PTPRD: variants seen among roughly 807,000 people sequenced by gnomAD.
PTPRD encodes the protein receptor-type tyrosine-protein phosphatase delta.
In PTPRD, 34 loss-of-function variants were observed where a neutral mutation model predicts 214.5. The ratio of observed to expected loss-of-function variants is 0.16; its 90% CI spans 0.12 to 0.21. PTPRD has a LOEUF of 0.21. Ranked by LOEUF, PTPRD falls within the 10% of genes least tolerant of loss-of-function variation. PTPRD has a pLI of 1.00. For missense variants in PTPRD, 2,545 were observed against 2,398.7 expected (o/e 1.06, Z -1.27); for synonymous variants, 1,128 against 845.7 (o/e 1.33, Z -5.79).
chr9:9,583,039 G>C (rs960976459), intron 7 of PTPRD, among the ~76,000 whole-genome samples: 2 of 152,032 alleles, frequency 1.3e-5, no homozygotes, highest in African/African-American at 4.8e-5. Flanking sequence ...CCAATAAATA[G>C]TATAGGCTGG....
chr9:10,407,086 T>C (rs1342959314), intron 2 of PTPRD, among the ~76,000 whole-genome samples: 2 of 151,716 alleles, frequency 1.3e-5, no homozygotes, highest in Non-Finnish European at 3.0e-5. Flanking sequence ...ATGCCCAACG[T>C]CTTCTCACCA....
intron 8 of PTPRD, among the ~76,000 whole-genome samples, chr9:9,416,204 G>A (rs1319056447): frequency 6.6e-6 from 1 of 152,042 alleles, no homozygotes; most frequent in Non-Finnish European, 1.5e-5. Context: ...CTTCAATTAG[G>A]CCTCTTCCCC....
chr9:10,392,016 C>A (rs2154491591), intron 2 of PTPRD, among the ~76,000 whole-genome samples: 1 of 151,904 alleles, frequency 6.6e-6, no homozygotes, highest in Middle Eastern at 3.4e-3. Context: ...TATGCCTCTT[C>A]CCTTCCCTAC....
chr9:8,682,525 G>C (rs1029435412), intron 12 of PTPRD, among the ~76,000 whole-genome samples: 1 of 150,916 alleles, frequency 6.6e-6, no homozygotes, highest in African/African-American at 2.5e-5. Context: ...CAATTAAAAA[G>C]AAAACTATAT....
rs1284118626 is a variant in PTPRD, at chr9:8,511,818, A to G, written c.1544-4384T>C. ...AAGGAAATAGAAATGTGAGCTATCGAGTCCCTAAAATGAGATCATAATCCT... is the reference window on the plus strand; with the variant it reads ...AAGGAAATAGAAATGTGAGCTATCGGGTCCCTAAAATGAGATCATAATCCT... On this transcript the variant is annotated intron_variant, in intron 21 of 45. Coordinates refer to ENST00000381196, the MANE Select transcript of PTPRD (RefSeq NM_002839.4). 2.6e-5 allele frequency among the ~76,000 whole-genome samples: 4 copies of G among 152,162 alleles called. No individual in the cohort carries two copies. In the East Asian group the frequency reaches 7.7e-4, roughly 29 times the overall value.
rs1362688668 is a variant in PTPRD at position 9,919,668 on chromosome 9, A to G, written c.-368+18839T>C. ...AGGCAGACTATATTGCAGCTTAATG[A>G]TTTGCATTTTAAAAGTTGGGAGTTC... is the stretch of plus-strand genomic sequence containing the variant. On this transcript the variant is annotated intron_variant, in intron 5 of 45. Coordinates refer to ENST00000381196, the MANE Select transcript of PTPRD (RefSeq NM_002839.4). Among the ~76,000 whole-genome samples, 6 of 152,258 alleles carry G rather than the reference A, an allele frequency of 3.9e-5. No homozygotes were observed. In the East Asian group the frequency reaches 1.2e-3, roughly 29 times the overall value.
intron 9 of PTPRD, among the ~76,000 whole-genome samples, chr9:9,211,037 T>C (rs751488030): frequency 2.0e-5 from 3 of 152,130 alleles, no homozygotes; most frequent in Non-Finnish European, 4.4e-5. Flanking sequence ...TTAAAGAGCA[T>C]TTGTTTTTGT....
chr9:10,386,710 G>C (rs1216578051), intron 2 of PTPRD, among the ~76,000 whole-genome samples: 1 of 151,704 alleles, frequency 6.6e-6, no homozygotes. Flanking sequence ...GAGAGAGAGA[G>C]AGACAAATAA....
intron 9 of PTPRD, among the ~76,000 whole-genome samples, chr9:9,296,497 G>T (rs1170721395): frequency 6.6e-6 from 1 of 151,732 alleles, no homozygotes; most frequent in Non-Finnish European, 1.5e-5. Flanking sequence ...TTAGAAATTT[G>T]TATACACACA....
At chr9:8,508,085 C>G (rs560414395) in intron 21 of PTPRD, among the ~76,000 whole-genome samples, 4 of 152,268 alleles carry the variant, frequency 2.6e-5, no homozygotes, top group African/African-American at 9.6e-5. Flanking sequence ...ACACCTAATA[C>G]AAACAAAATA....
At chr9:10,353,936 T>C (rs967278458) in intron 2 of PTPRD, among the ~76,000 whole-genome samples, 9 of 152,076 alleles carry the variant, frequency 5.9e-5, no homozygotes, top group African/African-American at 1.7e-4. Context: ...AAAAAATCAA[T>C]TGAGTAAATT....
chr9:8,485,101 C>T, intron 29 of PTPRD, 126 bp downstream of exon 29: 1 of 708,244 alleles, frequency 1.4e-6, no homozygotes, highest in Non-Finnish European at 2.4e-6. Context: ...GTGAAAGTCA[C>T]AAATGAAAAT....
In PTPRD at chr9:8,452,007, C is replaced by CT. The variant is rs537190556; in HGVS notation, c.3876-2171dup. The CT allele has an allele frequency of 7.1e-4, 227 of 321,880 alleles. 1 individual carries two copies. Among genetic ancestry groups the CT allele is most frequent in the Non-Finnish European group, 1.3e-3 (209 of 163,954 alleles). 19.9% of individuals were successfully genotyped at this position (321,880 alleles called of 1,614,324 possible). A position where few individuals can be genotyped will look rare whatever the true frequency, so the allele number is the denominator to read the frequency against. ...CTCTAAAGTAATTTAGCCCATTTCTCTGGTGCAAGGAAAGTTAGGAATTAC... is the reference window on the plus strand; with the variant it reads ...CTCTAAAGTAATTTAGCCCATTTCTCTTGGTGCAAGGAAAGTTAGGAATTAC... On this transcript the variant is annotated intron_variant, in intron 33 of 45. Transcript: ENST00000381196.
At chr9:8,575,089 G>C (rs377624954) in intron 14 of PTPRD, among the ~76,000 whole-genome samples, 5 of 151,952 alleles carry the variant, frequency 3.3e-5, no homozygotes, top group African/African-American at 1.2e-4. Flanking sequence ...CGTACTCTAC[G>C]AATAGCTGTT....
intron 9 of PTPRD, among the ~76,000 whole-genome samples, chr9:9,383,137 C>T (rs1018586882): frequency 6.6e-6 from 1 of 151,766 alleles, no homozygotes; most frequent in African/African-American, 2.4e-5. Context: ...GAAATCCTAC[C>T]ATTTTTCTTT....
chr9:8,565,679 A>G lies in PTPRD; in HGVS notation c.353-36900T>C, dbSNP rs189866860. ...GAGGAAGGAAAAAAGAAAAAATACA[A>G]CAAAAGATTCAGTTTCTTCCATTAA... On this transcript the variant is annotated intron_variant, in intron 14 of 45. Coordinates refer to ENST00000381196, the MANE Select transcript of PTPRD (RefSeq NM_002839.4). Among the ~76,000 whole-genome samples, 116 of 152,352 alleles carry G rather than the reference A, an allele frequency of 7.6e-4. 2 individuals carry two copies. The highest frequency in any genetic ancestry group is 4.2e-3 in the Admixed American group (65 of 15,306).
chr9:10,412,716 A>C (rs761399337), intron 2 of PTPRD, among the ~76,000 whole-genome samples: 7 of 151,596 alleles, frequency 4.6e-5, no homozygotes, highest in African/African-American at 7.3e-5. Flanking sequence ...CCCTCAAAAA[A>C]CACTTGAAAA....
intron 5 of PTPRD, among the ~76,000 whole-genome samples, chr9:9,835,236 A>G (rs981673503): frequency 6.6e-6 from 1 of 152,118 alleles, no homozygotes; most frequent in East Asian, 1.9e-4. Flanking sequence ...AGGATAATAC[A>G]TTCCAAAATG....
At chr9:9,090,604 T>C (rs1362172410) in intron 10 of PTPRD, among the ~76,000 whole-genome samples, 3 of 152,194 alleles carry the variant, frequency 2.0e-5, no homozygotes, top group Non-Finnish European at 1.5e-5. Context: ...ATAAGCCTAT[T>C]TTTGGATGAA....
Sources: gnomAD v4.1 joint callset for allele counts (sites outside exome capture counted in the v4.1 genomes callset) on GRCh38, gnomAD v4.1.1 for gene constraint, MANE v1.5 for transcripts, NCBI Gene and HGNC (gene_info 2026-07-23, HGNC 2026-07-21) for gene names.